HECTD4: variants seen among roughly 807,000 people sequenced by gnomAD.
The protein encoded by HECTD4 is HECT domain E3 ubiquitin protein ligase 4.
HECTD4 carries 114 observed loss-of-function variants against 471.5 expected under a neutral mutation model. The observed-to-expected ratio is 0.24, with a 90% CI of 0.21 to 0.28. HECTD4 has a LOEUF of 0.28. Ranked by LOEUF, HECTD4 falls within the 10% of genes least tolerant of loss-of-function variation. The pLI is 1.00. For synonymous variants in HECTD4, 2,012 were observed against 2,256.0 expected, an observed-to-expected ratio of 0.89 and a Z score of 3.07; for missense variants, 3,866 against 5,651.5, an observed-to-expected ratio of 0.68 and a Z score of 10.13.
At chr12:112,275,038 C>A in intron 9 of HECTD4, 78 bp from the exon 10 acceptor site, 1 of 877,344 alleles carries the variant, frequency 1.1e-6, no homozygotes, top group Non-Finnish European at 1.8e-6. Context: ...TTTAACAAGA[C>A]TTTTATAAAA....
At chr12:112,242,702 G>A (rs1156817508) in intron 32 of HECTD4, among the ~76,000 whole-genome samples, 3 of 151,634 alleles carry the variant, frequency 2.0e-5, no homozygotes, top group African/African-American at 4.8e-5. Flanking sequence ...CCTGAGGTCG[G>A]GAGTTTGAGA....
At chr12:112,298,166 A>G (rs978701455) in intron 7 of HECTD4, among the ~76,000 whole-genome samples, 2 of 152,198 alleles carry the variant, frequency 1.3e-5, no homozygotes, top group Non-Finnish European at 2.9e-5. Context: ...GTTTCACTAT[A>G]ATAGGGAGCC....
chr12:112,268,554 G>A (rs980732031), intron 13 of HECTD4, among the ~76,000 whole-genome samples: 1 of 152,008 alleles, frequency 6.6e-6, no homozygotes, highest in Non-Finnish European at 1.5e-5. Context: ...TCAGGAGTTC[G>A]AGACCAGCCT....
At chr12:112,325,264 TTATAA>T (rs1465842638) in intron 1 of HECTD4, among the ~76,000 whole-genome samples, 2 of 152,216 alleles carry the variant, frequency 1.3e-5, no homozygotes, top group Admixed American at 1.3e-4. Context: ...AGAATTTGAG[TTATAA>T]TATAATTAAC....
chr12:112,271,831 T>C (rs187007825), intron 11 of HECTD4, among the ~76,000 whole-genome samples: 9 of 152,338 alleles, frequency 5.9e-5, no homozygotes, highest in Admixed American at 5.2e-4. Context: ...TGCTTAATCA[T>C]AGTCATCATA....
intron 44 of HECTD4, 32 bp from the exon 45 acceptor site, chr12:112,219,521 C>T (rs772057836): frequency 1.4e-6 from 2 of 1,441,464 alleles, no homozygotes; most frequent in African/African-American, 2.8e-5. Context: ...TCTGTGAAAA[C>T]AACTCCCGCA....
chr12:112,185,096 G>A lies in HECTD4; in HGVS notation c.9870C>T (p.Asp3290=), dbSNP rs1445127982. The A allele has an allele frequency of 6.4e-7, 1 of 1,572,622 alleles. No homozygotes were observed. Among genetic ancestry groups the A allele is most frequent in the Non-Finnish European group, 8.6e-7 (1 of 1,158,416 alleles). The change falls in exon 61 of 76, where the codon GAC becomes GAT. Residue 3290 remains aspartate (D), a synonymous_variant. Coordinates refer to ENST00000682272, the MANE Select transcript of HECTD4 (RefSeq NM_001388303.1). The part of the protein sequence containing the change: ...VTSATAPNLS[D]SSSSSSSSPG... ...GGGAGGACGAGGAGGAGGAGGACGA[G>A]TCACTGAGATTTGGGGCGGTCGCTG...
At chr12:112,212,681 T>C in intron 48 of HECTD4, 31 bp from the exon 49 acceptor site, 1 of 1,562,304 alleles carries the variant, frequency 6.4e-7, no homozygotes, top group Non-Finnish European at 8.7e-7. Context: ...GAAAACATAT[T>C]TTCTCCCTTT....
chr12:112,197,663 C>G (rs1055175917), intron 55 of HECTD4, among the ~76,000 whole-genome samples: 1 of 152,206 alleles, frequency 6.6e-6, no homozygotes, highest in South Asian at 2.1e-4. Flanking sequence ...ACATCCTACA[C>G]TTGTAAGTTG....
intron 1 of HECTD4, among the ~76,000 whole-genome samples, chr12:112,370,261 G>A (rs1594082142): frequency 6.6e-6 from 1 of 152,200 alleles, no homozygotes; most frequent in East Asian, 1.9e-4. Context: ...AGAGCCTGCA[G>A]AAGGAACCAG....
chr12:112,374,379 A>G (rs778622667), intron 1 of HECTD4, among the ~76,000 whole-genome samples: 24 of 152,238 alleles, frequency 1.6e-4, no homozygotes, highest in Admixed American at 3.9e-4. Flanking sequence ...TACAGCAAGC[A>G]AGGAGCAGAG....
At chr12:112,276,164 A>G (rs939623559) in intron 9 of HECTD4, among the ~76,000 whole-genome samples, 6 of 152,206 alleles carry the variant, frequency 3.9e-5, no homozygotes, top group Non-Finnish European at 7.3e-5. Context: ...CAGCCCCCAC[A>G]GTAGCCGAAG....
chr12:112,211,074 G>A (rs992090857), intron 49 of HECTD4, among the ~76,000 whole-genome samples: 2 of 152,144 alleles, frequency 1.3e-5, no homozygotes, highest in Non-Finnish European at 2.9e-5. Flanking sequence ...AGTCTTGGCC[G>A]GATGCAGTAG....
chr12:112,169,710 C>T lies in HECTD4; in HGVS notation c.12053-52G>A, dbSNP rs1012264049. The T allele has an allele frequency of 4.4e-6, 7 of 1,604,842 alleles. No homozygotes were observed. In the African/African-American group the frequency reaches 8.0e-5, roughly 18 times the overall value. ...GCACCCCGCCGTGGCCGCCCTCTCC[C>T]CTCCCCTTGAGGACAGACCCTGGGC... On this transcript the variant is annotated intron_variant, in intron 69 of 75. Coordinates refer to ENST00000682272, the MANE Select transcript of HECTD4 (RefSeq NM_001388303.1).
At chr12:112,362,996 C>G (rs1264550759) in intron 1 of HECTD4, among the ~76,000 whole-genome samples, 1 of 152,124 alleles carries the variant, frequency 6.6e-6, no homozygotes, top group Non-Finnish European at 1.5e-5. Context: ...GCCACTGCGC[C>G]CAGCCTCCCT....
At chr12:112,238,121 C>CGA (rs2033558409) in intron 34 of HECTD4, among the ~76,000 whole-genome samples, 2 of 152,142 alleles carry the variant, frequency 1.3e-5, no homozygotes, top group Non-Finnish European at 2.9e-5. Context: ...ATATAATAGA[C>CGA]TCTCAAGACA....
intron 52 of HECTD4, among the ~76,000 whole-genome samples, chr12:112,205,600 T>C (rs1389207529): frequency 2.7e-5 from 4 of 148,720 alleles, no homozygotes; most frequent in African/African-American, 9.8e-5. Flanking sequence ...TTTCTTTTTC[T>C]TTTTTTTTTG....
In HECTD4 at chr12:112,192,775, A is replaced by C. The variant is rs993520449; in HGVS notation, c.9087-10T>G. 1 of 1,566,512 alleles carries C rather than the reference A, an allele frequency of 6.4e-7. No individual in the cohort carries two copies. Among genetic ancestry groups the C allele is most frequent in the African/African-American group, 1.4e-5 (1 of 74,058 alleles). ...CTTGTACAGAGAGGAGCTGAGAAGG[A>C]GGGATGGGTGGGTGTTAATACAGGG... is the stretch of plus-strand genomic sequence containing the variant. On this transcript the variant is annotated splice_polypyrimidine_tract_variant and intron_variant, in intron 58 of 75. Coordinates refer to ENST00000682272, the MANE Select transcript of HECTD4 (RefSeq NM_001388303.1).
At chr12:112,274,288 G>C (rs529517280) in intron 10 of HECTD4, among the ~76,000 whole-genome samples, 1 of 152,310 alleles carries the variant, frequency 6.6e-6, no homozygotes, top group East Asian at 1.9e-4. Context: ...GCATAAACCT[G>C]AGAATTTCTT....
Sources: allele counts gnomAD v4.1 joint callset (sites outside exome capture counted in the v4.1 genomes callset), GRCh38; gene constraint gnomAD v4.1.1; transcripts MANE v1.5; gene names NCBI Gene and HGNC (gene_info 2026-07-23, HGNC 2026-07-21).